Variants in OTUD4 observed in about 807,000 individuals in gnomAD.
The protein encoded by OTUD4 is OTU deubiquitinase 4.
In OTUD4, 24 loss-of-function variants were observed where a neutral mutation model predicts 130.4. That is an observed-to-expected ratio of 0.18 (90% CI 0.13 to 0.26). The LOEUF is 0.26. Among genes scored for constraint, OTUD4 ranks in the 10% least tolerant of loss-of-function variants. The pLI is 1.00. For synonymous variants in OTUD4, 420 were observed against 472.5 expected, an observed-to-expected ratio of 0.89 and a Z score of 1.44; for missense variants, 1,031 against 1,329.4, an observed-to-expected ratio of 0.78 and a Z score of 3.49.
At chr4:145,175,550 T>A (rs1375647055) in intron 1 of OTUD4, among the ~76,000 whole-genome samples, 1 of 142,288 alleles carries the variant, frequency 7.0e-6, no homozygotes, top group Non-Finnish European at 1.5e-5. Context: ...CAACTATTTC[T>A]TTTTTTTTTT....
In OTUD4 at chr4:145,155,022, G is replaced by A. The variant is rs963658637; in HGVS notation, c.873+389C>T. Among the ~76,000 whole-genome samples, 8 of 152,226 alleles carry A rather than the reference G, an allele frequency of 5.3e-5. No homozygotes were observed. In the East Asian group the frequency reaches 5.8e-4, roughly 11 times the overall value. ...CAGTCCAACAGTAAATATTGTGTACGTATCAACATCTCCCAAGATGATTTT... is the reference window on the plus strand; with the variant it reads ...CAGTCCAACAGTAAATATTGTGTACATATCAACATCTCCCAAGATGATTTT... On this transcript the variant is annotated intron_variant, in intron 10 of 20. Coordinates refer to ENST00000447906, the MANE Select transcript of OTUD4 (RefSeq NM_001366057.1).
At chr4:145,159,301 A>G in intron 7 of OTUD4, 2 of 1,377,812 alleles carry the variant, frequency 1.5e-6, no homozygotes, top group Non-Finnish European at 9.4e-7. Context: ...AAAAACACCA[A>G]CTTTCAAAAC....
intron 11 of OTUD4, among the ~76,000 whole-genome samples, chr4:145,152,007 C>T (rs755497437): frequency 1.3e-5 from 2 of 152,176 alleles, no homozygotes; most frequent in African/African-American, 2.4e-5. Context: ...CCTTTGTGCA[C>T]AATGGTACAT....
chr4:145,166,519 C>T (rs990764029), intron 3 of OTUD4, among the ~76,000 whole-genome samples: 2 of 151,314 alleles, frequency 1.3e-5, no homozygotes, highest in Non-Finnish European at 2.9e-5. Flanking sequence ...AAAAAAAAGT[C>T]CCTAAGATTC....
chr4:145,156,253 T>C (rs140125661), intron 7 of OTUD4, among the ~76,000 whole-genome samples: 3 of 152,204 alleles, frequency 2.0e-5, no homozygotes, highest in Admixed American at 2.0e-4. Context: ...ACTGTGAAAT[T>C]TGGGTGGGTA....
chr4:145,176,965 C>T (rs536025817), intron 1 of OTUD4, among the ~76,000 whole-genome samples: 1 of 152,316 alleles, frequency 6.6e-6, no homozygotes, highest in African/African-American at 2.4e-5. Context: ...ACTGATTCTA[C>T]CTTCACTGCT....
intron 1 of OTUD4, among the ~76,000 whole-genome samples, chr4:145,178,765 CAT>C (rs1561004482): frequency 6.6e-6 from 1 of 152,270 alleles, no homozygotes; most frequent in Non-Finnish European, 1.5e-5. Context: ...CTGGCCTCCA[CAT>C]GTTAAGTAAA....
At chr4:145,166,881 T>C (rs1751905319) in intron 3 of OTUD4, among the ~76,000 whole-genome samples, 1 of 152,204 alleles carries the variant, frequency 6.6e-6, no homozygotes, top group Non-Finnish European at 1.5e-5. Flanking sequence ...TAGAATATCA[T>C]GCATTCATTC....
intron 3 of OTUD4, among the ~76,000 whole-genome samples, chr4:145,170,093 C>T (rs572884994): frequency 1.3e-5 from 2 of 152,356 alleles, no homozygotes; most frequent in African/African-American, 4.8e-5. Flanking sequence ...CCCCAAAAAC[C>T]TTATATGGTT....
chr4:145,137,475 C>A lies in OTUD4; in HGVS notation c.3300G>T (p.Arg1100Ser), dbSNP rs1560974486. Residue 1100 changes from arginine (R) to serine (S), a missense_variant, in exon 21 of 21, where the codon AGG (arginine) becomes AGT (serine). By Grantham distance (110) the Arg-to-Ser change is moderately radical. Coordinates refer to ENST00000447906, the MANE Select transcript of OTUD4 (RefSeq NM_001366057.1). ...GGCCATCTCCCATCCCTGATCTCCT[C>A]CTATCTCCCCTAAATGGTCGCCCTC... ...NVRGRPFRGD[R>S]RRSGMGDGHR... 1 of 1,612,790 alleles carries A rather than the reference C, an allele frequency of 6.2e-7. No individual in the cohort carries two copies.
intron 7 of OTUD4, among the ~76,000 whole-genome samples, chr4:145,158,533 G>T (rs1751404062): frequency 6.6e-6 from 1 of 151,476 alleles, no homozygotes; most frequent in Admixed American, 6.6e-5. Context: ...CAAATCAAGA[G>T]ATATACATAT....
intron 19 of OTUD4, among the ~76,000 whole-genome samples, chr4:145,140,818 A>G (rs560431024): frequency 5.8e-4 from 88 of 151,602 alleles, no homozygotes; most frequent in African/African-American, 2.0e-3. Flanking sequence ...AAAAACACAG[A>G]AGGAGGTATC....
Position 145,143,296 on chromosome 4 carries a change from G to T in OTUD4, c.1683+69C>A, listed in dbSNP as rs893217147. The T allele has an allele frequency of 2.7e-4, 235 of 881,784 alleles. No homozygotes were observed. The highest frequency in any genetic ancestry group is 4.4e-4 in the Middle Eastern group (2 of 4,502). The allele number at this position is 881,784 out of a possible 1,614,324, so 54.6% of individuals were successfully genotyped here. ...ATACTGATGTTTTCTGTTTTTAAAT[G>T]ACCCTATACACAGAGCACAGAAACC... On this transcript the variant is annotated intron_variant, in intron 17 of 20. Transcript: ENST00000447906.
intron 6 of OTUD4, among the ~76,000 whole-genome samples, chr4:145,160,298 A>T (rs939900115): frequency 1.3e-5 from 2 of 152,214 alleles, no homozygotes; most frequent in African/African-American, 2.4e-5. Context: ...ATTTTACATA[A>T]GGAACTAAAA....
At chr4:145,141,712 T>A in intron 18 of OTUD4, 73 bp from the exon 19 acceptor site, 1 of 1,340,320 alleles carries the variant, frequency 7.5e-7, no homozygotes, top group Non-Finnish European at 1.0e-6. Context: ...CATTAACCTA[T>A]AAAGAATGCT....
intron 16 of OTUD4, 50 bp downstream of exon 16, chr4:145,143,896 C>CAT: frequency 1.5e-6 from 2 of 1,311,024 alleles, no homozygotes; most frequent in South Asian, 2.4e-5. Flanking sequence ...TACTGTACTA[C>CAT]ACAGTATTAA....
chr4:145,179,790 G>GGCC, intron 1 of OTUD4, 25 bp downstream of exon 1: 4 of 703,076 alleles, frequency 5.7e-6, no homozygotes, highest in Non-Finnish European at 7.7e-6. Context: ...TCCCCTCGAA[G>GGCC]CCCTCCCCGC....
chr4:145,166,065 G>A (rs1751855609), intron 3 of OTUD4, among the ~76,000 whole-genome samples: 1 of 151,844 alleles, frequency 6.6e-6, no homozygotes, highest in Non-Finnish European at 1.5e-5. Flanking sequence ...AGAGGCTGAG[G>A]CAGGAGAATC....
At chr4:145,166,491 G>C (rs565906540) in intron 3 of OTUD4, among the ~76,000 whole-genome samples, 2 of 151,186 alleles carry the variant, frequency 1.3e-5, no homozygotes, top group South Asian at 2.1e-4. Context: ...GGAGTTATTT[G>C]TAACAGTGTT....
Sources: gnomAD v4.1 joint callset for allele counts (sites outside exome capture counted in the v4.1 genomes callset) on GRCh38, gnomAD v4.1.1 for gene constraint, MANE v1.5 for transcripts, NCBI Gene and HGNC (gene_info 2026-07-23, HGNC 2026-07-21) for gene names.